NCOA3: variants seen among roughly 807,000 people sequenced by gnomAD.
NCOA3 encodes the protein nuclear receptor coactivator 3.
A neutral mutation model predicts 158.8 loss-of-function variants in NCOA3; 51 were observed. The observed-to-expected ratio is 0.32, with a 90% CI of 0.26 to 0.41. The LOEUF is 0.41. Among genes scored for constraint, NCOA3 ranks in the 10% least tolerant of loss-of-function variants. The pLI, the probability that NCOA3 is intolerant of heterozygous loss-of-function variation, is 1.00. For missense variants in NCOA3, 1,510 were observed against 1,746.6 expected, an observed-to-expected ratio of 0.86 and a Z score of 2.41; for synonymous variants, 537 against 592.4, an observed-to-expected ratio of 0.91 and a Z score of 1.36.
At position 47,635,367 on chromosome 20, in the gene NCOA3, G is replaced by A; in HGVS notation, c.1158G>A (p.Gly386=). ...CAAACCCAAATCCTGTTGGACAAGG[G>A]ATTAGACCACCTATGGCTGGATGCA... is the stretch of plus-strand genomic sequence containing the variant. ...YRPNPNPVGQ[G]IRPPMAGCNS... The change falls in exon 11 of 23, where the codon GGG becomes GGA. Residue 386 remains glycine, a synonymous_variant. Coordinates refer to ENST00000371998, the MANE Select transcript of NCOA3 (RefSeq NM_181659.3). 6.2e-7 allele frequency: 1 copy of A among 1,612,602 alleles called. No individual in the cohort carries two copies.
chr20:47,503,302 C>T (rs886555724), intron 1 of NCOA3, among the ~76,000 whole-genome samples: 3 of 152,140 alleles, frequency 2.0e-5, no homozygotes, highest in African/African-American at 7.2e-5. Flanking sequence ...GCTGCACAAA[C>T]GAAAATGTTA....
At position 47,600,350 on chromosome 20, in the gene NCOA3, A is replaced by T. The variant is rs564508927; in HGVS notation, c.-20+17089A>T. 2.2e-4 allele frequency among the ~76,000 whole-genome samples: 34 copies of T among 151,142 alleles called. 1 individual carries two copies. The highest frequency in any genetic ancestry group is 4.4e-4 in the Non-Finnish European group (30 of 67,840). ...CCACCACGCCCAGCTAATTTTTTGTATTTTTAGTAGAGACAGGATTTCATC... is the reference window on the plus strand; with the variant it reads ...CCACCACGCCCAGCTAATTTTTTGTTTTTTTAGTAGAGACAGGATTTCATC... On this transcript the variant is annotated intron_variant, in intron 2 of 22. Transcript: ENST00000371998.
intron 1 of NCOA3, among the ~76,000 whole-genome samples, chr20:47,581,853 A>G (rs2085458759): frequency 6.6e-6 from 1 of 152,212 alleles, no homozygotes. Context: ...TTCCTTGCTA[A>G]TATTTTGTTT....
chr20:47,503,383 G>A (rs796559536), intron 1 of NCOA3, among the ~76,000 whole-genome samples: 5 of 152,316 alleles, frequency 3.3e-5, no homozygotes, highest in African/African-American at 1.2e-4. Flanking sequence ...TTAGAATATG[G>A]TTCTACCGAA....
chr20:47,556,582 G>A (rs1241125868), intron 1 of NCOA3, among the ~76,000 whole-genome samples: 1 of 152,084 alleles, frequency 6.6e-6, no homozygotes, highest in African/African-American at 2.4e-5. Context: ...TAGTACAGTG[G>A]TGTGATCTCA....
rs148666287 is a variant in NCOA3 at position 47,634,084 on chromosome 20, G to A, written c.1001G>A (p.Arg334Gln). ...GGCCATGCAGAAACCCCAGTATATCGATTCTCGTTGGCTGATGGAACTATA... is the reference window on the plus strand; with the variant it reads ...GGCCATGCAGAAACCCCAGTATATCAATTCTCGTTGGCTGATGGAACTATA... ...LNGHAETPVY[R>Q]FSLADGTIVT... The change falls in exon 10 of 23, where the codon CGA becomes CAA. Residue 334 changes from arginine to glutamine, a missense_variant. Coordinates refer to ENST00000371998, the MANE Select transcript of NCOA3 (RefSeq NM_181659.3). The A allele has an allele frequency of 4.0e-5, 65 of 1,613,878 alleles. No homozygotes were observed. In the African/African-American group the frequency reaches 5.1e-4, roughly 13 times the overall value.
intron 1 of NCOA3, among the ~76,000 whole-genome samples, chr20:47,568,607 A>G (rs921300275): frequency 5.3e-5 from 8 of 152,140 alleles, no homozygotes; most frequent in South Asian, 2.1e-4. Context: ...CGTGGGCAAC[A>G]TGGCAAGATT....
At chr20:47,537,582 G>GTT (rs529005842) in intron 1 of NCOA3, among the ~76,000 whole-genome samples, 16 of 142,228 alleles carry the variant, frequency 1.1e-4, no homozygotes, top group Non-Finnish European at 1.4e-4. Context: ...TTTACATAGG[G>GTT]TTTTTTTTTT....
At chr20:47,553,541 C>T (rs1348252127) in intron 1 of NCOA3, among the ~76,000 whole-genome samples, 1 of 131,706 alleles carries the variant, frequency 7.6e-6, no homozygotes, top group East Asian at 2.4e-4. Context: ...AATGCTATCC[C>T]TCCCCCCCTC....
At chr20:47,511,510 T>C (rs2084129427) in intron 1 of NCOA3, among the ~76,000 whole-genome samples, 1 of 116,706 alleles carries the variant, frequency 8.6e-6, no homozygotes, top group African/African-American at 3.2e-5. Context: ...AGCTGAGATA[T>C]GTATCTCTCT....
intron 1 of NCOA3, among the ~76,000 whole-genome samples, chr20:47,516,414 C>T (rs1699732914): frequency 1.3e-5 from 2 of 152,008 alleles, no homozygotes; most frequent in African/African-American, 2.4e-5. Context: ...AAATATAGAT[C>T]AGGACACAGG....
At chr20:47,589,758 A>T (rs1387895927) in intron 2 of NCOA3, among the ~76,000 whole-genome samples, 3 of 151,944 alleles carry the variant, frequency 2.0e-5, no homozygotes, top group African/African-American at 7.3e-5. Context: ...ACCAGATTTC[A>T]CTTGGAATAC....
intron 6 of NCOA3, 116 bp downstream of exon 6, chr20:47,627,292 G>A (rs2086338314): frequency 1.2e-6 from 1 of 868,686 alleles, no homozygotes; most frequent in Admixed American, 3.0e-5. Context: ...AGAAAGGCAT[G>A]TGATTTAATA....
intron 16 of NCOA3, among the ~76,000 whole-genome samples, chr20:47,641,623 C>T (rs577099963): frequency 4.0e-5 from 6 of 150,940 alleles, no homozygotes; most frequent in East Asian, 3.9e-4. Flanking sequence ...CTCAGCCTCC[C>T]GACTAGCTGG....
intron 21 of NCOA3, among the ~76,000 whole-genome samples, 157 bp from the exon 22 acceptor site, chr20:47,652,774 A>G (rs1361468396): frequency 6.6e-6 from 1 of 152,250 alleles, no homozygotes; most frequent in Non-Finnish European, 1.5e-5. Flanking sequence ...TAGTACAGAA[A>G]GCTGTGAAAA....
In NCOA3 at chr20:47,627,100, G is replaced by A. The variant is rs61730617; in HGVS notation, c.456G>A (p.Leu152=). The A allele has an allele frequency of 7.3e-5, 118 of 1,612,696 alleles. No homozygotes were observed. The African/African-American group carries it at 1.5e-3, about 20-fold the overall frequency. The change falls in exon 6 of 23, where the codon CTG becomes CTA. Residue 152 remains leucine (L), a synonymous_variant. Coordinates refer to ENST00000371998, the MANE Select transcript of NCOA3 (RefSeq NM_181659.3). ...ACCTGCAATATAAGCAAGAGGACCTGGTTAACACAAGTGTTTACAATATCT... is the reference window on the plus strand; with the variant it reads ...ACCTGCAATATAAGCAAGAGGACCTAGTTAACACAAGTGTTTACAATATCT... The part of the protein sequence containing the change: ...TQYLQYKQED[L]VNTSVYNILH...
chr20:47,606,749 A>G (rs2085954457), intron 2 of NCOA3, among the ~76,000 whole-genome samples: 1 of 152,196 alleles, frequency 6.6e-6, no homozygotes, highest in Non-Finnish European at 1.5e-5. Flanking sequence ...TACTTGGATG[A>G]GTGACAAACC....
At chr20:47,532,679 CCTAGT>C (rs2084565800) in intron 1 of NCOA3, among the ~76,000 whole-genome samples, 1 of 151,820 alleles carries the variant, frequency 6.6e-6, no homozygotes, top group Admixed American at 6.6e-5. Flanking sequence ...TTTTTTGCTG[CCTAGT>C]CTAGTCTTGA....
At chr20:47,533,719 A>G (rs1191268987) in intron 1 of NCOA3, among the ~76,000 whole-genome samples, 6 of 152,142 alleles carry the variant, frequency 3.9e-5, no homozygotes, top group African/African-American at 1.4e-4. Flanking sequence ...TCTTGAGCCC[A>G]GGAGTTTGAG....
Sources: gnomAD v4.1 joint callset for allele counts (sites outside exome capture counted in the v4.1 genomes callset) on GRCh38, gnomAD v4.1.1 for gene constraint, MANE v1.5 for transcripts, NCBI Gene and HGNC (gene_info 2026-07-23, HGNC 2026-07-21) for gene names.